Variants in ZMYM1 observed in about 807,000 individuals in gnomAD.
ZMYM1 encodes the protein zinc finger MYM-type protein 1.
A neutral mutation model predicts 60.0 loss-of-function variants in ZMYM1; 39 were observed. The observed-to-expected ratio is 0.65, with a 90% CI of 0.50 to 0.85. ZMYM1 has a LOEUF of 0.85. Among genes scored for constraint, ZMYM1 ranks in the 40% least tolerant of loss-of-function variants. The probability of loss-of-function intolerance (pLI) is 0.00; values close to 1 mark genes in which losing one functional copy is unlikely to be tolerated. For synonymous variants in ZMYM1, 413 were observed against 454.0 expected, an observed-to-expected ratio of 0.91 and a Z score of 1.15; for missense variants, 1,171 against 1,309.5, an observed-to-expected ratio of 0.89 and a Z score of 1.63.
intron 6 of ZMYM1, among the ~76,000 whole-genome samples, chr1:35,109,427 T>TTA (rs1252227979): frequency 1.3e-5 from 2 of 152,206 alleles, no homozygotes; most frequent in African/African-American, 4.8e-5. Context: ...CTTTCAAAGT[T>TTA]TATATCCTTT....
At chr1:35,109,166 C>T (rs115024972) in intron 6 of ZMYM1, among the ~76,000 whole-genome samples, 5 of 152,006 alleles carry the variant, frequency 3.3e-5, no homozygotes, top group Admixed American at 1.3e-4. Flanking sequence ...GGACTACAGG[C>T]GCACGCCACC....
chr1:35,098,761 G>T (rs551294609), intron 4 of ZMYM1, among the ~76,000 whole-genome samples: 1 of 152,132 alleles, frequency 6.6e-6, no homozygotes, highest in East Asian at 1.9e-4. Flanking sequence ...AAAAAAATTA[G>T]CTGAGCACTG....
At position 35,114,140 on chromosome 1, in the gene ZMYM1, T is replaced by C; in HGVS notation, c.2310T>C (p.Thr770=). Residue 770 remains threonine (T), a synonymous_variant, in exon 10 of 10, where the codon ACT becomes ACC. Transcript: ENST00000359858. ...EVKELRSALK[T]LSSLFNTICM... ...AAGAACTCCGAAGTGCTCTAAAAAC[T>C]CTCAGTTCTTTGTTCAACACTATTT... 1 of 1,608,792 alleles carries C rather than the reference T, an allele frequency of 6.2e-7. No individual in the cohort carries two copies. Among genetic ancestry groups the C allele is most frequent in the Non-Finnish European group, 8.5e-7 (1 of 1,178,724 alleles).
intron 4 of ZMYM1, 170 bp downstream of exon 4, chr1:35,097,736 C>A (rs1479674246): frequency 1.4e-6 from 1 of 733,188 alleles, no homozygotes; most frequent in African/African-American, 1.8e-5. Flanking sequence ...CTTCCACCTC[C>A]TGGGTTCAAG....
intron 7 of ZMYM1, among the ~76,000 whole-genome samples, chr1:35,111,081 A>G (rs1389509050): frequency 1.3e-5 from 2 of 152,224 alleles, no homozygotes; most frequent in East Asian, 1.9e-4. Flanking sequence ...AGAGTTTAAT[A>G]CATTTACAAG....
chr1:35,087,834 C>T (rs958502584), intron 1 of ZMYM1, among the ~76,000 whole-genome samples: 34 of 151,536 alleles, frequency 2.2e-4, no homozygotes, highest in African/African-American at 7.3e-4. Flanking sequence ...AGGCTGAGGC[C>T]GGTGGATCAT....
At chr1:35,064,292 C>CAAAAAAA (rs371084383) in intron 1 of ZMYM1, among the ~76,000 whole-genome samples, 602 of 51,340 alleles carry the variant, frequency 0.012, 1 homozygote, top group Non-Finnish European at 0.02. Flanking sequence ...GATCCTGTCT[C>CAAAAAAA]AAAAAAAAAA....
In ZMYM1 at chr1:35,097,578, T is replaced by C. The variant is rs1461981430; in HGVS notation, c.419+12T>C. 3.1e-6 allele frequency: 5 copies of C among 1,613,194 alleles called. No individual in the cohort carries two copies. The highest frequency in any genetic ancestry group is 1.7e-5 in the Admixed American group (1 of 59,972). On this transcript the variant is annotated intron_variant, in intron 4 of 9. Transcript: ENST00000359858. ...TCAAACTGCTCAAAGTATATAATTC[T>C]AAATTATGCCCCCTTTTATTTCCCT...
intron 4 of ZMYM1, among the ~76,000 whole-genome samples, chr1:35,102,873 C>T (rs1643730955): frequency 6.6e-6 from 1 of 152,090 alleles, no homozygotes; most frequent in African/African-American, 2.4e-5. Context: ...ACCACTTGGC[C>T]AAGACAGAAT....
chr1:35,092,222 G>A (rs189565413), intron 1 of ZMYM1, among the ~76,000 whole-genome samples: 32 of 150,560 alleles, frequency 2.1e-4, no homozygotes, highest in Admixed American at 2.0e-3. Context: ...CACTGCGCCC[G>A]GCCAAAGACT....
At chr1:35,085,171 C>G (rs138250743) in intron 1 of ZMYM1, among the ~76,000 whole-genome samples, 1 of 151,932 alleles carries the variant, frequency 6.6e-6, no homozygotes, top group Non-Finnish European at 1.5e-5. Flanking sequence ...CCTCAGCCTC[C>G]GAAGTAGCTG....
Position 35,113,409 on chromosome 1 carries a change from A to G in ZMYM1, c.1579A>G (p.Arg527Gly). 3.1e-6 allele frequency: 5 copies of G among 1,613,798 alleles called. No individual in the cohort carries two copies. The highest frequency in any genetic ancestry group is 4.2e-6 in the Non-Finnish European group (5 of 1,179,918). ...GCATTTGAAGTCATTGGAATTTTGG[A>G]GAGAATACCAATTTTGTGATGGAGC... ...EMHLKSLEFW[R>G]EYQFCDGAVS... Residue 527 changes from arginine to glycine, a missense_variant, in exon 10 of 10, where the codon AGA (arginine) becomes GGA (glycine). Physicochemically the swap from Arg to Gly is moderately radical, Grantham distance 125 (BLOSUM62 -2). Transcript: ENST00000359858.
chr1:35,111,731 G>T, intron 7 of ZMYM1, 41 bp from the exon 8 acceptor site: 1 of 1,520,122 alleles, frequency 6.6e-7, no homozygotes, highest in South Asian at 1.3e-5. Context: ...TCTGATGATT[G>T]ATTTTGCCTT....
chr1:35,060,143 G>GTTATCATTA (rs1641844481), intron 1 of ZMYM1, among the ~76,000 whole-genome samples: 1 of 144,100 alleles, frequency 6.9e-6, no homozygotes, highest in East Asian at 2.0e-4. Flanking sequence ...ACTATTTGTT[G>GTTATCATTA]TTATTATTAT....
At chr1:35,094,205 T>C (rs1469158950) in intron 2 of ZMYM1, 122 bp downstream of exon 2, 4 of 721,876 alleles carry the variant, frequency 5.5e-6, no homozygotes, top group Non-Finnish European at 8.8e-6. Context: ...AAGCAGTTAA[T>C]TAAATAATAC....
chr1:35,101,646 C>T (rs1008430124), intron 4 of ZMYM1, among the ~76,000 whole-genome samples: 24 of 151,756 alleles, frequency 1.6e-4, no homozygotes, highest in African/African-American at 5.6e-4. Context: ...CGCCCACCCC[C>T]CAAATTAATT....
At position 35,114,109 on chromosome 1, in the gene ZMYM1, A is replaced by G. The variant is rs1332669799; in HGVS notation, c.2279A>G (p.Glu760Gly). ...TTATCAATAATTAGGTTTTGTAAAG[A>G]AGTAAAAGAACTCCGAAGTGCTCTA... ...LDLSIIRFCK[E>G]VKELRSALKT... The change falls in exon 10 of 10, where the codon GAA (glutamate) becomes GGA (glycine). Residue 760 changes from glutamate (E) to glycine (G), a missense_variant. Physicochemically the swap from Glu to Gly is moderately conservative, Grantham distance 98. Transcript: ENST00000359858. The G allele has an allele frequency of 1.2e-6, 2 of 1,612,900 alleles. No homozygotes were observed. Among genetic ancestry groups the G allele is most frequent in the African/African-American group, 2.7e-5 (2 of 74,864 alleles).
rs1245544730 is a variant in ZMYM1, at chr1:35,104,415, C to A, written c.540C>A (p.Thr180=). 3.7e-6 allele frequency: 6 copies of A among 1,612,580 alleles called. No homozygotes were observed. Among genetic ancestry groups the A allele is most frequent in the Middle Eastern group, 1.6e-4 (1 of 6,074 alleles). ...AAGAAAAAAGAAAACCATTTGTTAC[C>A]ATATGTACTAATAGCATTTTGACCA... ...SYEEKRKPFV[T]ICTNSILTKC... Residue 180 remains threonine (T), a synonymous_variant, in exon 5 of 10, where the codon ACC becomes ACA. Transcript: ENST00000359858.
chr1:35,078,537 A>ATTTTTTTTT (rs751468260), upstream of ZMYM1, among the ~76,000 whole-genome samples: 1,127 of 82,194 alleles, frequency 0.014, 139 homozygotes, highest in East Asian at 0.092. Flanking sequence ...GGTTATTTTA[A>ATTTTTTTTT]TTTTTTTTTT....
Sources: gnomAD v4.1 joint callset for allele counts (sites outside exome capture counted in the v4.1 genomes callset) on GRCh38, gnomAD v4.1.1 for gene constraint, MANE v1.5 for transcripts, NCBI Gene and HGNC (gene_info 2026-07-23, HGNC 2026-07-21) for gene names.